Variants in LRP1B observed in about 807,000 individuals in gnomAD.
The protein encoded by LRP1B is LDL receptor related protein 1B.
Under a neutral mutation model 556.6 loss-of-function variants are expected in LRP1B, and 217 were observed. That is an observed-to-expected ratio of 0.39 (90% CI 0.35 to 0.44). The LOEUF is 0.44. LRP1B is among the 20% of genes least tolerant of loss of function. LRP1B has a pLI of 1.00. For missense variants in LRP1B, 5,053 were observed against 5,620.8 expected (o/e 0.90, Z 3.23); for synonymous variants, 2,047 against 1,865.8 (o/e 1.10, Z -2.50).
chr2:141,675,909 T>A (rs1049285203), intron 2 of LRP1B, among the ~76,000 whole-genome samples: 12 of 152,018 alleles, frequency 7.9e-5, no homozygotes, highest in Admixed American at 7.2e-4. Flanking sequence ...GTTTTGAACA[T>A]ATAAAGAAAC....
At chr2:141,204,650 A>T (rs534939143) in intron 6 of LRP1B, among the ~76,000 whole-genome samples, 54 of 152,338 alleles carry the variant, frequency 3.5e-4, no homozygotes, top group African/African-American at 1.2e-3. Context: ...GCCAACAGTA[A>T]GTTCTGAAAA....
chr2:140,709,355 A>G (rs565773894), intron 37 of LRP1B, among the ~76,000 whole-genome samples: 2 of 152,072 alleles, frequency 1.3e-5, no homozygotes, highest in South Asian at 4.2e-4. Context: ...GCATGGAGAA[A>G]ATTATTACAT....
intron 6 of LRP1B, among the ~76,000 whole-genome samples, chr2:141,227,066 T>C (rs543610173): frequency 3.5e-4 from 53 of 152,308 alleles, no homozygotes; most frequent in African/African-American, 1.3e-3. Context: ...AATATATGTT[T>C]CTAGGTTTGC....
chr2:142,116,198 A>AC (rs1707268647), intron 1 of LRP1B, among the ~76,000 whole-genome samples: 1 of 144,528 alleles, frequency 6.9e-6, no homozygotes, highest in South Asian at 2.2e-4. Flanking sequence ...GTCTCAAAAA[A>AC]AAAAAAAAAA....
intron 62 of LRP1B, 52 bp from the exon 63 acceptor site, chr2:140,450,713 A>G (rs1686851149): frequency 8.0e-7 from 1 of 1,253,374 alleles, no homozygotes; most frequent in Non-Finnish European, 1.1e-6. Flanking sequence ...GTGCATATAT[A>G]ATGGATAATT....
At chr2:141,060,710 A>T (rs1699310696) in intron 8 of LRP1B, among the ~76,000 whole-genome samples, 1 of 151,688 alleles carries the variant, frequency 6.6e-6, no homozygotes, top group African/African-American at 2.4e-5. Flanking sequence ...AAATTCACTC[A>T]CTACCTCCCT....
At chr2:140,348,816 T>C (rs1681814219) in intron 77 of LRP1B, among the ~76,000 whole-genome samples, 1 of 152,068 alleles carries the variant, frequency 6.6e-6, no homozygotes, top group African/African-American at 2.4e-5. Flanking sequence ...TTACCAAACA[T>C]TGAGTGAATT....
In LRP1B at chr2:141,036,676, C is replaced by T. The variant is rs551017796; in HGVS notation, c.1789+12310G>A. Among the ~76,000 whole-genome samples the T allele has an allele frequency of 3.9e-5, 6 of 152,136 alleles. No individual in the cohort carries two copies. In the South Asian group the frequency reaches 1.2e-3, roughly 32 times the overall value. On this transcript the variant is annotated intron_variant, in intron 11 of 90. Coordinates refer to ENST00000389484, the MANE Select transcript of LRP1B (RefSeq NM_018557.3). ...AGGGGTAAGAAACCCCCTGGTCCCA[C>T]TACAAACTTGTTAGTCATAGCAAGC...
intron 2 of LRP1B, among the ~76,000 whole-genome samples, chr2:141,791,473 A>C (rs1695608085): frequency 1.3e-5 from 2 of 152,074 alleles, no homozygotes; most frequent in African/African-American, 4.8e-5. Context: ...CATCATGTAC[A>C]TTTCAAATTA....
At chr2:141,464,606 A>ATTTTTTTTTTTTTTTTTTTTTT (rs71391651) in intron 3 of LRP1B, among the ~76,000 whole-genome samples, 6 of 90,556 alleles carry the variant, frequency 6.6e-5, no homozygotes, top group Non-Finnish European at 8.9e-5. Context: ...ATATATATAT[A>ATTTTTTTTTTTTTTTTTTTTTT]TTTTTTTAGT....
chr2:141,859,653 T>A (rs917227585), intron 1 of LRP1B, among the ~76,000 whole-genome samples: 1 of 152,212 alleles, frequency 6.6e-6, no homozygotes, highest in Non-Finnish European at 1.5e-5. Context: ...GAATTTTGAC[T>A]GCTCTCACAA....
intron 41 of LRP1B, among the ~76,000 whole-genome samples, chr2:140,645,617 G>T (rs571558339): frequency 1.6e-4 from 21 of 132,374 alleles, no homozygotes; most frequent in Non-Finnish European, 3.0e-4. Flanking sequence ...TCCGCTCACT[G>T]CAAGCTCCGC....
chr2:140,632,095 G>T (rs994513752), intron 41 of LRP1B, among the ~76,000 whole-genome samples: 1 of 152,084 alleles, frequency 6.6e-6, no homozygotes, highest in African/African-American at 2.4e-5. Flanking sequence ...TTTCTCAAAC[G>T]AGCAGAATCT....
chr2:140,303,896 G>T (rs1464061946), intron 83 of LRP1B, among the ~76,000 whole-genome samples: 1 of 151,870 alleles, frequency 6.6e-6, no homozygotes. Context: ...ACCTATGAGT[G>T]AGAACGTGTG....
intron 3 of LRP1B, among the ~76,000 whole-genome samples, chr2:141,460,141 T>C (rs1681803749): frequency 6.6e-6 from 1 of 152,194 alleles, no homozygotes; most frequent in Admixed American, 6.5e-5. Context: ...GACAATGCGT[T>C]ACATTCAACT....
At chr2:140,966,339 A>G (rs1696220360) in intron 18 of LRP1B, among the ~76,000 whole-genome samples, 4 of 152,224 alleles carry the variant, frequency 2.6e-5, no homozygotes, top group Admixed American at 2.0e-4. Context: ...TGTGGGCTGC[A>G]TAAATGTCTT....
At chr2:140,955,025 C>T (rs948852804) in intron 18 of LRP1B, among the ~76,000 whole-genome samples, 2 of 151,932 alleles carry the variant, frequency 1.3e-5, no homozygotes, top group African/African-American at 4.8e-5. Context: ...AATCACTCAG[C>T]TTCTCTGGTT....
At chr2:141,291,855 C>CAAAAAAAAAAAAAAAAAAAAAA (rs143819331) in intron 3 of LRP1B, among the ~76,000 whole-genome samples, 2 of 99,334 alleles carry the variant, frequency 2.0e-5, no homozygotes, top group African/African-American at 9.0e-5. Context: ...GACTCTGTCT[C>CAAAAAAAAAAAAAAAAAAAAAA]AAAAAAAAAA....
At chr2:140,545,517 T>C (rs1269888191) in intron 43 of LRP1B, among the ~76,000 whole-genome samples, 1 of 152,310 alleles carries the variant, frequency 6.6e-6, no homozygotes, top group East Asian at 1.9e-4. Context: ...TAGCTATTTA[T>C]CCCAGCACCA....
Sources: gnomAD v4.1 joint callset for allele counts (sites outside exome capture counted in the v4.1 genomes callset) on GRCh38, gnomAD v4.1.1 for gene constraint, MANE v1.5 for transcripts, NCBI Gene and HGNC (gene_info 2026-07-23, HGNC 2026-07-21) for gene names.